Variants in BEST3 observed in about 807,000 individuals in gnomAD.
BEST3 encodes the protein bestrophin 3, also known as bestrophin-3.
In BEST3, 50 loss-of-function variants were observed where a neutral mutation model predicts 47.1. The observed-to-expected ratio is 1.06, with a 90% CI of 0.85 to 1.34. The LOEUF (loss-of-function observed/expected upper bound fraction) is 1.34. Among genes scored for constraint, BEST3 ranks in the 40% most tolerant of loss-of-function variants. BEST3 has a pLI of 0.00. For missense variants in BEST3, 765 were observed against 817.0 expected (o/e 0.94, Z 0.78); for synonymous variants, 282 against 298.8 (o/e 0.94, Z 0.58).
At position 69,655,186 on chromosome 12, in the gene BEST3, G is replaced by C. The variant is rs749979475; in HGVS notation, c.1728C>G (p.Phe576Leu). The C allele has an allele frequency of 1.2e-6, 2 of 1,614,152 alleles. No individual in the cohort carries two copies. Among genetic ancestry groups the C allele is most frequent in the Admixed American group, 3.3e-5 (2 of 60,022 alleles). ...TATCACCAGGGTCTTCTTCACAGTT[G>C]AATATATTTTCCTCAGCGCTGGCTG... ...TVSASAEENI[F>L]NCEEDPGDTF... is the part of the protein sequence containing the mutation. The change falls in exon 10 of 10, where the codon TTC (phenylalanine) becomes TTG (leucine). Residue 576 changes from phenylalanine to leucine, a missense_variant. Coordinates refer to ENST00000330891, the MANE Select transcript of BEST3 (RefSeq NM_032735.3).
At chr12:69,664,293 T>C (rs1390658726) in intron 9 of BEST3, among the ~76,000 whole-genome samples, 1 of 152,228 alleles carries the variant, frequency 6.6e-6, no homozygotes, top group Non-Finnish European at 1.5e-5. Context: ...TAAAGCTTCC[T>C]TTAGATTAAG....
chr12:69,695,920 A>C (rs1592380558), intron 2 of BEST3, among the ~76,000 whole-genome samples: 2 of 152,198 alleles, frequency 1.3e-5, no homozygotes, highest in African/African-American at 4.8e-5. Context: ...TAGATGTAGA[A>C]ATTTTAATAG....
chr12:69,676,368 G>A (rs895482771), intron 7 of BEST3, among the ~76,000 whole-genome samples: 9 of 151,116 alleles, frequency 6.0e-5, no homozygotes, highest in Non-Finnish European at 7.4e-5. Flanking sequence ...CTGAGATTGC[G>A]TTACTGTACT....
At chr12:69,666,066 C>T (rs559266215) in intron 9 of BEST3, among the ~76,000 whole-genome samples, 10 of 152,156 alleles carry the variant, frequency 6.6e-5, no homozygotes, top group Non-Finnish European at 1.2e-4. Flanking sequence ...GTCACCCAAA[C>T]TGTAGTGCAG....
Position 69,655,470 on chromosome 12 carries a change from G to C in BEST3, c.1444C>G (p.Gln482Glu). The change falls in exon 10 of 10, where the codon CAG becomes GAG. Residue 482 changes from glutamine (Q) to glutamate (E), a missense_variant. By Grantham distance (29) the Gln-to-Glu change is conservative (BLOSUM62 2). Coordinates refer to ENST00000330891, the MANE Select transcript of BEST3 (RefSeq NM_032735.3). ...IRETSQTSTLQSLTPQSSVRT... is the reference protein window; with the variant it reads ...IRETSQTSTLESLTPQSSVRT... ...ACACTGGACTGTGGGGTCAGGCTCT[G>C]TAAAGTGCTTGTCTGGCTGGTCTCC... 1.2e-6 allele frequency: 2 copies of C among 1,614,158 alleles called. No individual in the cohort carries two copies. The highest frequency in any genetic ancestry group is 1.7e-6 in the Non-Finnish European group (2 of 1,180,026).
At chr12:69,658,383 T>A (rs1883644126) in intron 9 of BEST3, among the ~76,000 whole-genome samples, 1 of 152,050 alleles carries the variant, frequency 6.6e-6, no homozygotes, top group Admixed American at 6.6e-5. Flanking sequence ...TGGGGGAAAA[T>A]AGACAAGTTG....
At chr12:69,684,518 C>A in intron 4 of BEST3, 1 of 620,840 alleles carries the variant, frequency 1.6e-6, no homozygotes, top group Non-Finnish European at 3.1e-6. Flanking sequence ...GCCTTTCAAG[C>A]AGAGTATTCA....
At chr12:69,663,283 A>C (rs1196008313) in intron 9 of BEST3, among the ~76,000 whole-genome samples, 2 of 152,098 alleles carry the variant, frequency 1.3e-5, no homozygotes, top group African/African-American at 4.8e-5. Context: ...ATTTTTGTTC[A>C]TTTTTTTTTA....
chr12:69,678,987 G>A (rs1023097720), intron 4 of BEST3, 94 bp from the exon 5 acceptor site: 2 of 1,031,944 alleles, frequency 1.9e-6, no homozygotes. Context: ...CATATAATGA[G>A]GGGATATTAA....
intron 9 of BEST3, among the ~76,000 whole-genome samples, chr12:69,668,944 G>A (rs1338106455): frequency 6.6e-6 from 1 of 152,098 alleles, no homozygotes; most frequent in Non-Finnish European, 1.5e-5. Context: ...CTCAGGATGG[G>A]AGAGCCTGCC....
At chr12:69,666,230 T>C (rs767030094) in intron 9 of BEST3, among the ~76,000 whole-genome samples, 3 of 152,158 alleles carry the variant, frequency 2.0e-5, no homozygotes, top group African/African-American at 4.8e-5. Context: ...GTTGGCCAGG[T>C]TGGTCTCTAA....
Position 69,655,234 on chromosome 12 carries a change from T to C in BEST3, c.1680A>G (p.Gly560=), listed in dbSNP as rs1347068611. ...LSPSEKETPP[G]GPSPQTVSAS... Reference sequence around the variant, plus strand: ...CTGAAACTGTCTGGGGACTGGGGCCTCCAGGAGGTGTCTCCTTCTCTGAGG... The same window carrying C: ...CTGAAACTGTCTGGGGACTGGGGCCCCCAGGAGGTGTCTCCTTCTCTGAGG... Residue 560 remains glycine, a synonymous_variant, in exon 10 of 10, where the codon GGA becomes GGG. Coordinates refer to ENST00000330891, the MANE Select transcript of BEST3 (RefSeq NM_032735.3). 4 of 1,614,028 alleles carry C rather than the reference T, an allele frequency of 2.5e-6. No individual in the cohort carries two copies. The African/African-American group carries it at 5.3e-5, about 22-fold the overall frequency.
intron 9 of BEST3, chr12:69,660,377 G>A (rs1015278242): frequency 6.6e-6 from 1 of 152,132 alleles, no homozygotes; most frequent in Non-Finnish European, 1.5e-5. Flanking sequence ...TTTTAAAAAT[G>A]TTACTACACC....
At position 69,655,527 on chromosome 12, in the gene BEST3, G is replaced by C. The variant is rs1228357696; in HGVS notation, c.1387C>G (p.His463Asp). ...SCFPEGSPTL[H>D]FSMGELSTIR... ...GTGGACAGCTCTCCCATGCTGAAGT[G>C]CAGCGTGGGGCTTCCTTCTGGGAAG... Residue 463 changes from histidine to aspartate, a missense_variant, in exon 10 of 10, where the codon CAC becomes GAC. His to Asp is a moderately conservative substitution (Grantham distance 81). Coordinates refer to ENST00000330891, the MANE Select transcript of BEST3 (RefSeq NM_032735.3). The C allele has an allele frequency of 6.2e-7, 1 of 1,614,148 alleles. No homozygotes were observed. Among genetic ancestry groups the C allele is most frequent in the Admixed American group, 1.7e-5 (1 of 60,026 alleles).
At chr12:69,680,518 C>T (rs1885196695) in intron 4 of BEST3, among the ~76,000 whole-genome samples, 1 of 151,654 alleles carries the variant, frequency 6.6e-6, no homozygotes, top group African/African-American at 2.4e-5. Context: ...CCATGTTAGC[C>T]AGGATGTCTC....
intron 2 of BEST3, among the ~76,000 whole-genome samples, chr12:69,695,136 G>T (rs1249191122): frequency 6.6e-6 from 1 of 152,126 alleles, no homozygotes; most frequent in Non-Finnish European, 1.5e-5. Flanking sequence ...TGCATTTAAT[G>T]AGACTATTAT....
Position 69,655,078 on chromosome 12 carries a change from G to T in BEST3, c.1836C>A (p.Ser612Arg), listed in dbSNP as rs1396484690. 6.2e-7 allele frequency: 1 copy of T among 1,614,182 alleles called. No homozygotes were observed. Among genetic ancestry groups the T allele is most frequent in the East Asian group, 2.2e-5 (1 of 44,880 alleles). The change falls in exon 10 of 10, where the codon AGC (serine) becomes AGA (arginine). Residue 612 changes from serine (S) to arginine (R), a missense_variant. Transcript: ENST00000330891. ...SLGNLSPDPM[S>R]SQPALLIDTE... ...TGTCAATTAAAAGAGCTGGCTGAGA[G>T]CTCATGGGGTCTGGACTTAGGTTTC...
chr12:69,696,680 T>C (rs566665916), intron 2 of BEST3, among the ~76,000 whole-genome samples: 1 of 152,292 alleles, frequency 6.6e-6, no homozygotes, highest in Admixed American at 6.5e-5. Flanking sequence ...TAATTATCAG[T>C]CAACTACATT....
chr12:69,697,836 C>G, intron 1 of BEST3, 23 bp from the exon 2 acceptor site: 1 of 1,579,878 alleles, frequency 6.3e-7, no homozygotes, highest in Non-Finnish European at 8.6e-7. Context: ...GAAGACAAAA[C>G]ACAAGTAAAA....
Sources: allele counts gnomAD v4.1 joint callset (sites outside exome capture counted in the v4.1 genomes callset), GRCh38; gene constraint gnomAD v4.1.1; transcripts MANE v1.5; gene names NCBI Gene and HGNC (gene_info 2026-07-23, HGNC 2026-07-21).